ATF7IP: variants seen among roughly 807,000 people sequenced by gnomAD.
ATF7IP encodes activating transcription factor 7-interacting protein 1.
In ATF7IP, 23 loss-of-function variants were observed where a neutral mutation model predicts 106.4. The ratio of observed to expected loss-of-function variants is 0.22; its 90% CI spans 0.16 to 0.31. The LOEUF (loss-of-function observed/expected upper bound fraction) is 0.31. Among genes scored for constraint, ATF7IP ranks in the 10% least tolerant of loss-of-function variants. The pLI, the probability that ATF7IP is intolerant of heterozygous loss-of-function variation, is 1.00. For synonymous variants in ATF7IP, 542 were observed against 539.0 expected, an observed-to-expected ratio of 1.01 and a Z score of -0.08; for missense variants, 1,334 against 1,524.3, an observed-to-expected ratio of 0.88 and a Z score of 2.08.
At chr12:14,452,814 T>C (rs1176577501) in intron 6 of ATF7IP, among the ~76,000 whole-genome samples, 1 of 152,176 alleles carries the variant, frequency 6.6e-6, no homozygotes, top group Non-Finnish European at 1.5e-5. Flanking sequence ...AAGTTTATAT[T>C]TTTGTATGCT....
Position 14,496,362 on chromosome 12 carries a change from T to G in ATF7IP, c.3393+19T>G, listed in dbSNP as rs764811610. 5.8e-6 allele frequency: 9 copies of G among 1,555,136 alleles called. No homozygotes were observed. The highest frequency in any genetic ancestry group is 8.0e-6 in the Non-Finnish European group (9 of 1,128,028). ...GCATACTGTAAGTGTTGATGCTTGG[T>G]TTTGCAAAATTCTCAACTGTAGAGG... is the stretch of plus-strand genomic sequence containing the variant. On this transcript the variant is annotated intron_variant, in intron 14 of 14. Transcript: ENST00000261168.
intron 1 of ATF7IP, among the ~76,000 whole-genome samples, chr12:14,414,943 A>AT (rs924386547): frequency 1.3e-5 from 2 of 151,986 alleles, no homozygotes; most frequent in Non-Finnish European, 2.9e-5. Context: ...TTATTTATTT[A>AT]TTTTTTTAAT....
intron 5 of ATF7IP, 66 bp from the exon 6 acceptor site, chr12:14,446,922 T>G (rs936149447): frequency 3.8e-5 from 25 of 663,786 alleles, no homozygotes; most frequent in Middle Eastern, 4.3e-4. Context: ...ATATTCATGG[T>G]TTTTTTTTTT....
At chr12:14,439,096 G>A (rs188877019) in intron 5 of ATF7IP, among the ~76,000 whole-genome samples, 142 of 152,196 alleles carry the variant, frequency 9.3e-4, no homozygotes, top group African/African-American at 3.4e-3. Flanking sequence ...TACAATACCA[G>A]AGCTTCTGGT....
intron 4 of ATF7IP, among the ~76,000 whole-genome samples, chr12:14,436,703 A>T (rs897021660): frequency 1.3e-5 from 2 of 152,078 alleles, no homozygotes; most frequent in Non-Finnish European, 2.9e-5. Flanking sequence ...AAAAAATAAT[A>T]AATAAATAAA....
intron 1 of ATF7IP, among the ~76,000 whole-genome samples, chr12:14,383,771 A>C (rs902645761): frequency 6.6e-6 from 1 of 152,160 alleles, no homozygotes; most frequent in Admixed American, 6.6e-5. Context: ...TTTGTTGGCC[A>C]CGCAGGTCTC....
intron 10 of ATF7IP, 112 bp downstream of exon 10, chr12:14,466,702 C>A: frequency 2.4e-6 from 2 of 819,480 alleles, no homozygotes; most frequent in Non-Finnish European, 3.9e-6. Flanking sequence ...TTTTTTATAA[C>A]TATCCAAACA....
At position 14,456,544 on chromosome 12, in the gene ATF7IP, T is replaced by A; in HGVS notation, c.1996-17T>A. ...TGTTGAGTTTTATTTTTACCTTGAT[T>A]TTTTTTTCTCCCCCAGCATCCACCC... On this transcript the variant is annotated splice_polypyrimidine_tract_variant and intron_variant, in intron 6 of 14. Transcript: ENST00000261168. 1 of 1,596,610 alleles carries A rather than the reference T, an allele frequency of 6.3e-7. No individual in the cohort carries two copies. Among genetic ancestry groups the A allele is most frequent in the Non-Finnish European group, 8.6e-7 (1 of 1,167,268 alleles).
intron 13 of ATF7IP, among the ~76,000 whole-genome samples, chr12:14,491,939 T>C (rs1467483917): frequency 6.6e-6 from 1 of 152,214 alleles, no homozygotes; most frequent in Non-Finnish European, 1.5e-5. Flanking sequence ...CGCCCCTGCA[T>C]CTTTCACGTC....
chr12:14,493,816 A>G (rs1944908190), intron 13 of ATF7IP, among the ~76,000 whole-genome samples: 1 of 152,096 alleles, frequency 6.6e-6, no homozygotes, highest in Non-Finnish European at 1.5e-5. Context: ...CTCTCTCTAC[A>G]GGAGATAAGA....
At chr12:14,411,491 C>G (rs1940910853) in intron 1 of ATF7IP, among the ~76,000 whole-genome samples, 1 of 150,608 alleles carries the variant, frequency 6.6e-6, no homozygotes, top group South Asian at 2.1e-4. Flanking sequence ...ACCTATGTAA[C>G]AAAACTGCAC....
At chr12:14,423,331 A>G (rs1420915433) in intron 1 of ATF7IP, among the ~76,000 whole-genome samples, 1 of 152,048 alleles carries the variant, frequency 6.6e-6, no homozygotes, top group East Asian at 1.9e-4. Flanking sequence ...TAGATTCGAG[A>G]TAAAAGTCTT....
intron 13 of ATF7IP, among the ~76,000 whole-genome samples, chr12:14,483,170 C>T (rs1235068772): frequency 2.6e-5 from 4 of 152,190 alleles, no homozygotes; most frequent in Non-Finnish European, 4.4e-5. Context: ...CAGCAAGCAC[C>T]TCAGCTGGTC....
At chr12:14,400,665 A>G (rs1479408640) in intron 1 of ATF7IP, among the ~76,000 whole-genome samples, 1 of 152,106 alleles carries the variant, frequency 6.6e-6, no homozygotes, top group Non-Finnish European at 1.5e-5. Context: ...TTTGTAAAAC[A>G]TGTTGATACA....
intron 2 of ATF7IP, among the ~76,000 whole-genome samples, chr12:14,429,905 C>T (rs1942038080): frequency 6.6e-6 from 1 of 152,130 alleles, no homozygotes; most frequent in African/African-American, 2.4e-5. Flanking sequence ...GGAGGAAGAT[C>T]ATTTTTCAAA....
At chr12:14,390,608 A>G (rs944198065) in intron 1 of ATF7IP, among the ~76,000 whole-genome samples, 3 of 152,258 alleles carry the variant, frequency 2.0e-5, no homozygotes, top group Non-Finnish European at 4.4e-5. Flanking sequence ...ATAACATTTT[A>G]TAAAAGATTT....
At position 14,442,345 on chromosome 12, in the gene ATF7IP, CA is replaced by C. The variant is rs1220635026; in HGVS notation, c.1929+4079del. On this transcript the variant is annotated intron_variant, in intron 5 of 14. Coordinates refer to ENST00000261168, the MANE Select transcript of ATF7IP (RefSeq NM_018179.5). Reference sequence around the variant, plus strand: ...ATGTTTTTTTGGTGTAGATACTACCCATGTGGCAATTGTTGGCAACCGTTCT... The same window carrying C: ...ATGTTTTTTTGGTGTAGATACTACCCTGTGGCAATTGTTGGCAACCGTTCT... Among the ~76,000 whole-genome samples, 16 of 151,436 alleles carry C rather than the reference CA, an allele frequency of 1.1e-4. 1 individual carries two copies. Among genetic ancestry groups the C allele is most frequent in the Admixed American group, 2.6e-4 (4 of 15,266 alleles).
chr12:14,399,549 A>G (rs1206131284), intron 1 of ATF7IP, among the ~76,000 whole-genome samples: 2 of 151,692 alleles, frequency 1.3e-5, no homozygotes, highest in African/African-American at 2.4e-5. Context: ...TTATTATTGG[A>G]AAACTTGTAT....
rs1048790449 is a variant in ATF7IP at position 14,366,240 on chromosome 12, T to A, written c.-8+413T>A. ...TTCGATTTTTTGAAAAATTGTGGAC[T>A]TAATTTTCTGTAAAAATGATTTTCA... On this transcript the variant is annotated intron_variant, in intron 1 of 14. Transcript: ENST00000261168. Among the ~76,000 whole-genome samples the A allele has an allele frequency of 2.6e-5, 4 of 152,268 alleles. 1 individual carries two copies. The highest frequency in any genetic ancestry group is 4.4e-5 in the Non-Finnish European group (3 of 68,050).
Sources: gnomAD v4.1 joint callset for allele counts (sites outside exome capture counted in the v4.1 genomes callset) on GRCh38, gnomAD v4.1.1 for gene constraint, MANE v1.5 for transcripts, NCBI Gene and HGNC (gene_info 2026-07-23, HGNC 2026-07-21) for gene names.